Variants in NRG3 observed in about 807,000 individuals in gnomAD.
The protein encoded by NRG3 is pro-neuregulin-3, membrane-bound isoform.
NRG3 carries 31 observed loss-of-function variants against 66.9 expected under a neutral mutation model. The observed-to-expected ratio is 0.46, with a 90% CI of 0.35 to 0.63. The LOEUF (loss-of-function observed/expected upper bound fraction) is 0.63. NRG3 is among the 20% of genes least tolerant of loss of function. The probability of loss-of-function intolerance (pLI) is 0.00; values close to 1 mark genes in which losing one functional copy is unlikely to be tolerated. For missense variants in NRG3, 910 were observed against 878.9 expected (o/e 1.04, Z -0.45); for synonymous variants, 393 against 359.4 (o/e 1.09, Z -1.06).
chr10:82,708,044 C>A (rs2056428888), intron 2 of NRG3, among the ~76,000 whole-genome samples: 1 of 151,724 alleles, frequency 6.6e-6, no homozygotes, highest in African/African-American at 2.4e-5. Context: ...TAAATAAATA[C>A]ATAAGATAAA....
At chr10:82,455,452 A>G (rs899418794) in intron 2 of NRG3, among the ~76,000 whole-genome samples, 1 of 152,124 alleles carries the variant, frequency 6.6e-6, no homozygotes, top group Non-Finnish European at 1.5e-5. Flanking sequence ...ATATAGGACA[A>G]AAGGTGAAAA....
intron 2 of NRG3, among the ~76,000 whole-genome samples, chr10:82,686,652 T>G (rs898424528): frequency 7.2e-5 from 11 of 152,220 alleles, no homozygotes; most frequent in Admixed American, 6.5e-4. Context: ...CGCAGTCATA[T>G]ACGCAGTCTG....
intron 2 of NRG3, among the ~76,000 whole-genome samples, chr10:82,455,653 C>T (rs1036936205): frequency 1.3e-5 from 2 of 148,422 alleles, no homozygotes; most frequent in Admixed American, 1.4e-4. Flanking sequence ...CTCACTCTGT[C>T]GCCCAGGCTG....
intron 2 of NRG3, among the ~76,000 whole-genome samples, chr10:82,555,953 C>T (rs941971674): frequency 6.6e-6 from 1 of 152,062 alleles, no homozygotes. Flanking sequence ...TCACTAACCT[C>T]CTCTCTTCAT....
chr10:81,879,591 G>A (rs755343450), intron 1 of NRG3, among the ~76,000 whole-genome samples: 1 of 152,044 alleles, frequency 6.6e-6, no homozygotes, highest in African/African-American at 2.4e-5. Flanking sequence ...AGATTTGGAA[G>A]GTATATGGTT....
At chr10:82,421,325 A>G (rs1043603360) in intron 2 of NRG3, among the ~76,000 whole-genome samples, 1 of 152,040 alleles carries the variant, frequency 6.6e-6, no homozygotes, top group African/African-American at 2.4e-5. Flanking sequence ...TTGGGAGATA[A>G]TGAGTTTTTA....
intron 1 of NRG3, among the ~76,000 whole-genome samples, chr10:81,947,768 T>A (rs747310685): frequency 9.9e-5 from 15 of 152,072 alleles, no homozygotes; most frequent in Non-Finnish European, 1.9e-4. Flanking sequence ...GTAGCTAATA[T>A]GACAAAAGTG....
At chr10:82,763,353 G>A (rs1308688196) in intron 3 of NRG3, among the ~76,000 whole-genome samples, 1 of 152,038 alleles carries the variant, frequency 6.6e-6, no homozygotes, top group African/African-American at 2.4e-5. Flanking sequence ...TATCCTTAAA[G>A]ACTCTTAGTA....
intron 2 of NRG3, among the ~76,000 whole-genome samples, chr10:82,453,682 T>TAA (rs541557844): frequency 2.3e-4 from 29 of 126,344 alleles, no homozygotes; most frequent in Admixed American, 3.3e-4. Flanking sequence ...TGTTTTGAGC[T>TAA]AAAAAAAAAA....
At chr10:82,885,072 T>G (rs1037197672) in intron 4 of NRG3, among the ~76,000 whole-genome samples, 2 of 152,196 alleles carry the variant, frequency 1.3e-5, no homozygotes, top group Non-Finnish European at 1.5e-5. Flanking sequence ...AACCTTCTTT[T>G]TTTGGCTTGA....
chr10:82,015,705 C>T (rs762264155), intron 1 of NRG3, among the ~76,000 whole-genome samples: 4 of 151,780 alleles, frequency 2.6e-5, no homozygotes, highest in Non-Finnish European at 4.4e-5. Flanking sequence ...TACCGCATCT[C>T]GGGCAGTTCT....
rs796707958 is a variant in NRG3 at position 82,423,865 on chromosome 10, T to G, written c.953+64997T>G. On this transcript the variant is annotated intron_variant, in intron 2 of 8. Coordinates refer to ENST00000372141, the MANE Select transcript of NRG3 (RefSeq NM_001010848.4). ...AATCTACGTATGTATTTGTCTAGTATGGACATTTCATACAAATTGAATCCT... is the reference window on the plus strand; with the variant it reads ...AATCTACGTATGTATTTGTCTAGTAGGGACATTTCATACAAATTGAATCCT... 7.9e-5 allele frequency among the ~76,000 whole-genome samples: 12 copies of G among 152,178 alleles called. No individual in the cohort carries two copies. The South Asian group carries it at 2.5e-3, about 31-fold the overall frequency.
intron 4 of NRG3, among the ~76,000 whole-genome samples, chr10:82,890,461 A>ACGT (rs1843057072): frequency 6.6e-6 from 1 of 152,132 alleles, no homozygotes; most frequent in South Asian, 2.1e-4. Flanking sequence ...ACTGACTTAG[A>ACGT]CTGATTTATT....
At chr10:82,845,280 A>T (rs749938982) in intron 3 of NRG3, among the ~76,000 whole-genome samples, 1 of 152,260 alleles carries the variant, frequency 6.6e-6, no homozygotes, top group African/African-American at 2.4e-5. Flanking sequence ...CACATTAACT[A>T]TCTTTTTTCC....
chr10:82,778,518 A>T (rs1374710970), intron 3 of NRG3, among the ~76,000 whole-genome samples: 1 of 151,878 alleles, frequency 6.6e-6, no homozygotes, highest in Non-Finnish European at 1.5e-5. Flanking sequence ...TCACAAACTC[A>T]CTCATTATCA....
chr10:82,632,804 A>T (rs1193414507), intron 2 of NRG3, among the ~76,000 whole-genome samples: 1 of 152,076 alleles, frequency 6.6e-6, no homozygotes, highest in Non-Finnish European at 1.5e-5. Context: ...CCTCTTGATG[A>T]TTGACTTGGT....
chr10:82,796,458 C>G (rs1402951904), intron 3 of NRG3, among the ~76,000 whole-genome samples: 1 of 152,024 alleles, frequency 6.6e-6, no homozygotes, highest in African/African-American at 2.4e-5. Flanking sequence ...TGTGGACTCT[C>G]AAAACTAATC....
chr10:82,341,320 T>C (rs1013019899), intron 1 of NRG3, among the ~76,000 whole-genome samples: 1 of 152,094 alleles, frequency 6.6e-6, no homozygotes, highest in Non-Finnish European at 1.5e-5. Context: ...CGGTTGGAAA[T>C]GCAGAATATT....
chr10:82,469,126 T>C (rs902110705), intron 2 of NRG3, among the ~76,000 whole-genome samples: 12 of 152,190 alleles, frequency 7.9e-5, no homozygotes, highest in Non-Finnish European at 1.6e-4. Context: ...CCTGTTGAGT[T>C]CTTTTCATTT....
Sources: gnomAD v4.1 joint callset for allele counts (sites outside exome capture counted in the v4.1 genomes callset) on GRCh38, gnomAD v4.1.1 for gene constraint, MANE v1.5 for transcripts, NCBI Gene and HGNC (gene_info 2026-07-23, HGNC 2026-07-21) for gene names.